CD69: variants seen among roughly 807,000 people sequenced by gnomAD.
CD69 encodes the protein CD69 molecule.
A neutral mutation model predicts 21.4 loss-of-function variants in CD69; 10 were observed. That is an observed-to-expected ratio of 0.47 (90% CI 0.29 to 0.79). The LOEUF is 0.79. Among genes scored for constraint, CD69 ranks in the 30% least tolerant of loss-of-function variants. The pLI, the probability that CD69 is intolerant of heterozygous loss-of-function variation, is 0.09. For missense variants in CD69, 204 were observed against 236.9 expected, an observed-to-expected ratio of 0.86 and a Z score of 0.91; for synonymous variants, 63 against 78.2, an observed-to-expected ratio of 0.81 and a Z score of 1.03.
chr12:9,756,296 C>A lies in CD69; in HGVS notation c.187+1G>T. On this transcript the variant is annotated splice_donor_variant, in intron 2 of 4. Coordinates refer to ENST00000228434, the MANE Select transcript of CD69 (RefSeq NM_001781.2). LOFTEE classifies it high-confidence loss of function. ...AAAGAATTGATGAAGTGTAGACCCA[C>A]CTGATAAGGCAATGAGAGCTATGAT... The A allele has an allele frequency of 6.2e-7, 1 of 1,611,476 alleles. No individual in the cohort carries two copies. The highest frequency in any genetic ancestry group is 8.5e-7 in the Non-Finnish European group (1 of 1,178,540).
At position 9,760,816 on chromosome 12, in the gene CD69, C is replaced by T; in HGVS notation, c.5G>A (p.Ser2Asn). Reference protein sequence around the residue: MSSENCFVAENS... With the variant: MNSENCFVAENS... Reference sequence around the variant, plus strand: ...CTCTGCTACGAAACAATTTTCAGAGCTCATCTTTATTCTCAAGATTCCCTA... The same window carrying T: ...CTCTGCTACGAAACAATTTTCAGAGTTCATCTTTATTCTCAAGATTCCCTA... The change falls in exon 1 of 5, where the codon AGC becomes AAC. Residue 2 changes from serine (S) to asparagine (N), a missense_variant. Coordinates refer to ENST00000228434, the MANE Select transcript of CD69 (RefSeq NM_001781.2). The T allele has an allele frequency of 6.2e-7, 1 of 1,611,422 alleles. No individual in the cohort carries two copies. Among genetic ancestry groups the T allele is most frequent in the Non-Finnish European group, 8.5e-7 (1 of 1,179,232 alleles).
intron 2 of CD69, chr12:9,755,812 AT>A (rs1402829393): frequency 6.5e-6 from 1 of 154,648 alleles, no homozygotes; most frequent in Non-Finnish European, 1.4e-5. Context: ...TGAATACCAA[AT>A]CACTACTGAC....
chr12:9,756,688 T>C (rs1032672404), intron 1 of CD69, among the ~76,000 whole-genome samples: 5 of 152,208 alleles, frequency 3.3e-5, no homozygotes, highest in Admixed American at 2.0e-4. Context: ...ATATGATTTA[T>C]ACACTTAGTA....
chr12:9,760,469 ATCT>A (rs774335875), intron 1 of CD69, among the ~76,000 whole-genome samples: 11 of 152,282 alleles, frequency 7.2e-5, no homozygotes, highest in Middle Eastern at 3.4e-3. Flanking sequence ...ATCTTTAAAG[ATCT>A]TCTGAAATTC....
At chr12:9,758,999 G>A (rs980847429) in intron 1 of CD69, among the ~76,000 whole-genome samples, 2 of 151,724 alleles carry the variant, frequency 1.3e-5, no homozygotes, top group South Asian at 2.1e-4. Flanking sequence ...GCGTGATCTC[G>A]GCTCACTGCA....
rs990550670 is a variant in CD69, at chr12:9,760,775, G to T, written c.46C>A (p.Pro16Thr). Reference protein sequence around the residue: ...CFVAENSSLHPESGQENDATS... With the variant: ...CFVAENSSLHTESGQENDATS... ...GACTTACTTTCTTGTCCACTCTCCG[G>T]ATGCAAAGAGCTGTTCTCTGCTACG... Residue 16 changes from proline (P) to threonine (T), a missense_variant, in exon 1 of 5, where the codon CCG becomes ACG. Transcript: ENST00000228434. 2 of 1,612,552 alleles carry T rather than the reference G, an allele frequency of 1.2e-6. No homozygotes were observed. Among genetic ancestry groups the T allele is most frequent in the Middle Eastern group, 1.6e-4 (1 of 6,084 alleles).
Position 9,753,401 on chromosome 12 carries a change from G to A in CD69, c.*80C>T, listed in dbSNP as rs985581785. The A allele has an allele frequency of 1.7e-5, 10 of 584,492 alleles. No homozygotes were observed. The highest frequency in any genetic ancestry group is 9.7e-5 in the African/African-American group (5 of 51,574). The allele number at this position is 584,492 out of a possible 1,614,324, so 36.2% of individuals were successfully genotyped here. On this transcript the variant is annotated 3_prime_UTR_variant, in exon 5 of 5. Coordinates refer to ENST00000228434, the MANE Select transcript of CD69 (RefSeq NM_001781.2). ...TCACAAAGTCTCTATGGAAGACTTCGGACCACAGAGCAGCATCCACTGACA... is the reference window on the plus strand; with the variant it reads ...TCACAAAGTCTCTATGGAAGACTTCAGACCACAGAGCAGCATCCACTGACA...
chr12:9,753,453 A>G lies in CD69; in HGVS notation c.*28T>C. 1.0e-6 allele frequency: 1 copy of G among 965,972 alleles called. No individual in the cohort carries two copies. The highest frequency in any genetic ancestry group is 1.7e-6 in the Non-Finnish European group (1 of 604,170). The allele number at this position is 965,972 out of a possible 1,614,324, so 59.8% of individuals were successfully genotyped here. On this transcript the variant is annotated 3_prime_UTR_variant, in exon 5 of 5. Coordinates refer to ENST00000228434, the MANE Select transcript of CD69 (RefSeq NM_001781.2). The stretch of plus-strand genomic sequence containing the variant: ...AGATTTCCTTGAGTTCCATTCTATA[A>G]TAGTCAATAAGTGAACATGTTTCCT...
rs1041323444 is a variant in CD69 at position 9,754,857 on chromosome 12, C to CA, written c.388-168dup. The CA allele has an allele frequency of 7.4e-6, 5 of 673,530 alleles. No homozygotes were observed. In the African/African-American group the frequency reaches 9.1e-5, roughly 12 times the overall value. 41.7% of individuals were successfully genotyped at this position (673,530 alleles called of 1,614,324 possible). A position where few individuals can be genotyped will look rare whatever the true frequency, so the allele number is the denominator to read the frequency against. On this transcript the variant is annotated intron_variant, in intron 3 of 4. Coordinates refer to ENST00000228434, the MANE Select transcript of CD69 (RefSeq NM_001781.2). ...TGGATTTCTGGTCTTTGAAGCTAAG[C>CA]AATCAAATCAAATTTAAAAGATTAA... is the stretch of plus-strand genomic sequence containing the variant.
At chr12:9,754,743 A>C in intron 3 of CD69, 53 bp from the exon 4 acceptor site, 1 of 1,124,662 alleles carries the variant, frequency 8.9e-7, no homozygotes, top group Non-Finnish European at 1.4e-6. Flanking sequence ...CTGGGGAAGT[A>C]GATAGTAAAT....
chr12:9,754,396 G>T (rs1424032453), intron 4 of CD69, 191 bp downstream of exon 4: 2 of 444,822 alleles, frequency 4.5e-6, no homozygotes, highest in African/African-American at 2.0e-5. Flanking sequence ...TGTATTATAA[G>T]TGTGGATAAA....
At chr12:9,758,938 T>C (rs1300880541) in intron 1 of CD69, among the ~76,000 whole-genome samples, 1 of 152,158 alleles carries the variant, frequency 6.6e-6, no homozygotes, top group Non-Finnish European at 1.5e-5. Context: ...GTTTTATTTA[T>C]TTATTTTTTG....
chr12:9,760,828 C>G lies in CD69; in HGVS notation c.-8G>C. The G allele has an allele frequency of 6.2e-7, 1 of 1,608,146 alleles. No homozygotes were observed. The highest frequency in any genetic ancestry group is 8.5e-7 in the Non-Finnish European group (1 of 1,177,026). Reference sequence around the variant, plus strand: ...ACAATTTTCAGAGCTCATCTTTATTCTCAAGATTCCCTAGTTAATCTCAGG... The same window carrying G: ...ACAATTTTCAGAGCTCATCTTTATTGTCAAGATTCCCTAGTTAATCTCAGG... On this transcript the variant is annotated 5_prime_UTR_variant, in exon 1 of 5. Transcript: ENST00000228434.
intron 1 of CD69, among the ~76,000 whole-genome samples, chr12:9,756,887 T>A (rs7304618): frequency 0.011 from 1,657 of 152,208 alleles, 11 homozygotes; most frequent in Non-Finnish European, 0.017. Flanking sequence ...AAGACCATCA[T>A]GAGCAACATG....
Position 9,756,296 on chromosome 12 carries a change from C to T in CD69, c.187+1G>A. On this transcript the variant is annotated splice_donor_variant, in intron 2 of 4. Transcript: ENST00000228434. LOFTEE classifies it high-confidence loss of function. ...AAAGAATTGATGAAGTGTAGACCCA[C>T]CTGATAAGGCAATGAGAGCTATGAT... 1 of 1,611,480 alleles carries T rather than the reference C, an allele frequency of 6.2e-7. No individual in the cohort carries two copies. The highest frequency in any genetic ancestry group is 8.5e-7 in the Non-Finnish European group (1 of 1,178,540).
chr12:9,754,746 T>C (rs945797423), intron 3 of CD69, 56 bp from the exon 4 acceptor site: 18 of 1,095,496 alleles, frequency 1.6e-5, no homozygotes, highest in Admixed American at 3.4e-5. Flanking sequence ...GGGAAGTAGA[T>C]AGTAAATCCT....
intron 1 of CD69, among the ~76,000 whole-genome samples, chr12:9,757,482 A>G (rs760014188): frequency 6.6e-6 from 1 of 152,240 alleles, no homozygotes; most frequent in Non-Finnish European, 1.5e-5. Context: ...CTTTATTCTT[A>G]AGAGCCAAAT....
intron 1 of CD69, among the ~76,000 whole-genome samples, chr12:9,757,003 C>A (rs1244062945): frequency 6.6e-6 from 1 of 152,046 alleles, no homozygotes; most frequent in African/African-American, 2.4e-5. Context: ...TCGCTTTAGC[C>A]TGGGAGGCAG....
intron 2 of CD69, chr12:9,756,014 G>T: frequency 5.4e-6 from 1 of 185,320 alleles, no homozygotes. Context: ...ATTCAAATCA[G>T]CTCCCTTCAT....
Sources: allele counts gnomAD v4.1 joint callset (sites outside exome capture counted in the v4.1 genomes callset), GRCh38; gene constraint gnomAD v4.1.1; transcripts MANE v1.5; gene names NCBI Gene and HGNC (gene_info 2026-07-23, HGNC 2026-07-21).